The following ADHFE1 variants were observed in gnomAD, a reference collection of about 807,000 sequenced individuals.
The protein encoded by ADHFE1 is alcohol dehydrogenase iron containing 1, also known as hydroxyacid-oxoacid transhydrogenase, mitochondrial.
Under a neutral mutation model 54.8 loss-of-function variants are expected in ADHFE1, and 37 were observed. The ratio of observed to expected loss-of-function variants is 0.68; its 90% CI spans 0.52 to 0.89. ADHFE1 has a LOEUF of 0.89. Ranked by LOEUF, ADHFE1 falls within the 40% of genes least tolerant of loss-of-function variation. The pLI is 0.00. For synonymous variants in ADHFE1, 203 were observed against 229.3 expected, an observed-to-expected ratio of 0.89 and a Z score of 1.04; for missense variants, 601 against 591.2, an observed-to-expected ratio of 1.02 and a Z score of -0.17.
Position 66,457,058 on chromosome 8 carries a change from G to A in ADHFE1, c.1066-12G>A, listed in dbSNP as rs372378617. ...TGTCATCTGCCGGTCACCGCATTTC[G>A]TTTCTCCCCAGCCCCATGGCCTTTC... On this transcript the variant is annotated splice_polypyrimidine_tract_variant and intron_variant, in intron 11 of 13. Coordinates refer to ENST00000396623, the MANE Select transcript of ADHFE1 (RefSeq NM_144650.3). The A allele has an allele frequency of 7.1e-5, 115 of 1,609,068 alleles. No individual in the cohort carries two copies. The highest frequency in any genetic ancestry group is 2.0e-4 in the Admixed American group (12 of 59,466).
chr8:66,445,014 T>A (rs540340207), intron 5 of ADHFE1, among the ~76,000 whole-genome samples: 2 of 151,970 alleles, frequency 1.3e-5, no homozygotes, highest in South Asian at 2.1e-4. Context: ...GGTGGGAGAA[T>A]CGCTTGAACC....
rs1432939060 is a variant in ADHFE1, at chr8:66,454,906, C to T, written c.986+749C>T. Among the ~76,000 whole-genome samples the T allele has an allele frequency of 2.6e-5, 4 of 151,850 alleles. No homozygotes were observed. In the South Asian group the frequency reaches 8.3e-4, roughly 32 times the overall value. The stretch of plus-strand genomic sequence containing the variant: ...TTTTTTTATATTTCTTAAGTAGAGA[C>T]GGGGTTTCACCATGTTGGCCTGGCT... On this transcript the variant is annotated intron_variant, in intron 10 of 13. Coordinates refer to ENST00000396623, the MANE Select transcript of ADHFE1 (RefSeq NM_144650.3).
At chr8:66,440,918 G>A (rs777535076) in intron 2 of ADHFE1, among the ~76,000 whole-genome samples, 6 of 152,156 alleles carry the variant, frequency 3.9e-5, no homozygotes, top group Non-Finnish European at 7.4e-5. Context: ...GAAGCCTGTT[G>A]GGGAGTTAGA....
chr8:66,458,905 G>T (rs532842978), intron 12 of ADHFE1, among the ~76,000 whole-genome samples: 1 of 151,986 alleles, frequency 6.6e-6, no homozygotes, highest in Non-Finnish European at 1.5e-5. Context: ...CATAAACTTC[G>T]TATCATGTGT....
chr8:66,460,047 C>T, intron 12 of ADHFE1: 2 of 456,688 alleles, frequency 4.4e-6, no homozygotes, highest in Middle Eastern at 5.8e-4. Flanking sequence ...TTGTTCTGCA[C>T]CTCTCTTCTT....
intron 8 of ADHFE1, among the ~76,000 whole-genome samples, chr8:66,449,175 C>T (rs1225934882): frequency 6.6e-6 from 1 of 152,194 alleles, no homozygotes; most frequent in East Asian, 1.9e-4. Flanking sequence ...CACAAACCTG[C>T]TCTTCAGGAT....
At chr8:66,451,430 A>G (rs1424479721) in intron 8 of ADHFE1, among the ~76,000 whole-genome samples, 1 of 152,208 alleles carries the variant, frequency 6.6e-6, no homozygotes, top group African/African-American at 2.4e-5. Context: ...GTAGTGCCTC[A>G]CACCAGGTCC....
At chr8:66,432,597 G>A in intron 1 of ADHFE1, 22 bp downstream of exon 1, 7 of 1,297,602 alleles carry the variant, frequency 5.4e-6, no homozygotes, top group Non-Finnish European at 6.9e-6. Context: ...GCCGGCGGGC[G>A]GGCAGGGGAC....
At chr8:66,456,694 C>T (rs2130452962) in intron 10 of ADHFE1, 123 bp from the exon 11 acceptor site, 1 of 655,818 alleles carries the variant, frequency 1.5e-6, no homozygotes, top group East Asian at 2.9e-5. Flanking sequence ...CAGAACATAT[C>T]ACTTTTTCAG....
In ADHFE1 at chr8:66,445,477, T is replaced by C. The variant is rs3802273; in HGVS notation, c.550+63T>C. 3.4e-6 allele frequency: 5 copies of C among 1,463,410 alleles called. No homozygotes were observed. The East Asian group carries it at 1.2e-4, about 34-fold the overall frequency. 90.7% of individuals were successfully genotyped at this position (1,463,410 alleles called of 1,614,324 possible). On this transcript the variant is annotated intron_variant, in intron 6 of 13. Coordinates refer to ENST00000396623, the MANE Select transcript of ADHFE1 (RefSeq NM_144650.3). ...AATGAGCAATAGATCTTAAGAAAGATGCAAGCCAGTCCTTTTAACATACAC... is the reference window on the plus strand; with the variant it reads ...AATGAGCAATAGATCTTAAGAAAGACGCAAGCCAGTCCTTTTAACATACAC...
intron 4 of ADHFE1, 75 bp downstream of exon 4, chr8:66,444,495 A>G (rs1805926740): frequency 6.2e-7 from 1 of 1,606,578 alleles, no homozygotes; most frequent in East Asian, 2.2e-5. Context: ...AATGACAACA[A>G]TCACATCCTC....
At position 66,439,216 on chromosome 8, in the gene ADHFE1, C is replaced by G. The variant is rs570124964; in HGVS notation, c.60-946C>G. The G allele has an allele frequency of 2.4e-5, 24 of 985,504 alleles. No individual in the cohort carries two copies. In the South Asian group the frequency reaches 8.9e-4, roughly 37 times the overall value. 61.0% of individuals were successfully genotyped at this position (985,504 alleles called of 1,614,324 possible). A position where few individuals can be genotyped will look rare whatever the true frequency, so the allele number is the denominator to read the frequency against. ...TTTTCCTTCCTCCCCAACCTTCCCC[C>G]TCGGGTGTTTTAATTCCAGATTTGA... On this transcript the variant is annotated intron_variant, in intron 1 of 13. Transcript: ENST00000396623. This position sits in a 1 kb window ranked among gnomAD's most constrained non-coding sequence, Gnocchi z 4.4.
rs1185977291 is a variant in ADHFE1 at position 66,454,000 on chromosome 8, T to C, written c.888-59T>C. On this transcript the variant is annotated intron_variant, in intron 9 of 13. Coordinates refer to ENST00000396623, the MANE Select transcript of ADHFE1 (RefSeq NM_144650.3). Reference sequence around the variant, plus strand: ...CATATCTTTCCCTAAGGCAGCTCCTTATTCTGTAGGAATTGCCAATGTTGA... The same window carrying C: ...CATATCTTTCCCTAAGGCAGCTCCTCATTCTGTAGGAATTGCCAATGTTGA... 8.1e-6 allele frequency: 13 copies of C among 1,596,818 alleles called. No homozygotes were observed. In the African/African-American group the frequency reaches 1.7e-4, roughly 21 times the overall value.
chr8:66,443,158 A>G (rs916795406), intron 3 of ADHFE1, among the ~76,000 whole-genome samples: 9 of 152,248 alleles, frequency 5.9e-5, no homozygotes, highest in African/African-American at 2.2e-4. Flanking sequence ...AACAATCCCA[A>G]AAGAGGTCAA....
Position 66,468,168 on chromosome 8 carries a change from A to G in ADHFE1, c.1321-101A>G. ...CGTTTTTAAAGATATGGCGTTTATC[A>G]AGTCATTGATTCTTATGACCAAGTT... On this transcript the variant is annotated intron_variant, in intron 13 of 13. Coordinates refer to ENST00000396623, the MANE Select transcript of ADHFE1 (RefSeq NM_144650.3). 6 of 810,188 alleles carry G rather than the reference A, an allele frequency of 7.4e-6. No individual in the cohort carries two copies. In the South Asian group the frequency reaches 1.0e-4, roughly 14 times the overall value. The allele number at this position is 810,188 out of a possible 1,614,324, so 50.2% of individuals were successfully genotyped here.
intron 1 of ADHFE1, among the ~76,000 whole-genome samples, chr8:66,437,549 C>G (rs1041736531): frequency 7.2e-6 from 1 of 139,756 alleles, no homozygotes; most frequent in African/African-American, 2.6e-5. Flanking sequence ...GCCCCCACCC[C>G]CCTCCCCCAG....
chr8:66,442,952 C>A, intron 3 of ADHFE1, 108 bp downstream of exon 3: 1 of 949,338 alleles, frequency 1.1e-6, no homozygotes, highest in Non-Finnish European at 1.5e-6. Flanking sequence ...TATTAATTCA[C>A]ATTCCATAAT....
chr8:66,440,125 C>T (rs1805671968), intron 1 of ADHFE1, 37 bp from the exon 2 acceptor site: 1 of 1,604,904 alleles, frequency 6.2e-7, no homozygotes, highest in South Asian at 1.1e-5. Context: ...CTATTTTCAC[C>T]TTAGGTTTTT....
chr8:66,442,315 T>C (rs943725843), intron 2 of ADHFE1, among the ~76,000 whole-genome samples: 8 of 150,842 alleles, frequency 5.3e-5, no homozygotes, highest in African/African-American at 2.0e-4. Flanking sequence ...CTATCTTTTT[T>C]TTTTTTTTTT....
Sources: gnomAD v4.1 joint callset for allele counts (sites outside exome capture counted in the v4.1 genomes callset) on GRCh38, gnomAD v4.1.1 for gene constraint, Gnocchi (gnomAD v3.1) non-coding constraint, MANE v1.5 for transcripts, NCBI Gene and HGNC (gene_info 2026-07-23, HGNC 2026-07-21) for gene names.